Variants in GRIK2 observed in about 807,000 individuals in gnomAD.
GRIK2 encodes the protein glutamate ionotropic receptor kainate type subunit 2.
In GRIK2, 32 loss-of-function variants were observed where a neutral mutation model predicts 100.3. That is an observed-to-expected ratio of 0.32 (90% confidence interval 0.24 to 0.43). GRIK2 has a LOEUF of 0.43. Among genes scored for constraint, GRIK2 ranks in the 20% least tolerant of loss-of-function variants. The pLI is 1.00. For missense variants in GRIK2, 843 were observed against 1,114.9 expected (o/e 0.76, Z 3.47); for synonymous variants, 417 against 389.4 (o/e 1.07, Z -0.83).
At chr6:102,050,738 G>A (rs575150793) in intron 15 of GRIK2, among the ~76,000 whole-genome samples, 1 of 149,346 alleles carries the variant, frequency 6.7e-6, no homozygotes, top group East Asian at 2.0e-4. Context: ...GGAACACAGA[G>A]GAATGAAAAA....
chr6:101,994,867 A>G (rs1195586742), intron 14 of GRIK2, among the ~76,000 whole-genome samples: 1 of 151,900 alleles, frequency 6.6e-6, no homozygotes, highest in African/African-American at 2.4e-5. Context: ...CACAGTAAGA[A>G]ATAAGAGAAA....
At chr6:101,706,065 AC>A (rs1467128961) in intron 7 of GRIK2, among the ~76,000 whole-genome samples, 2 of 151,886 alleles carry the variant, frequency 1.3e-5, no homozygotes, top group African/African-American at 4.8e-5. Flanking sequence ...TGACTCAGCT[AC>A]AAATCAGTGA....
chr6:101,414,940 T>TTGTG (rs3057496), intron 2 of GRIK2, among the ~76,000 whole-genome samples: 7 of 149,800 alleles, frequency 4.7e-5, no homozygotes, highest in East Asian at 2.0e-4. Context: ...AGTTTTAAAC[T>TTGTG]TGTGTGTGTG....
chr6:101,997,737 A>C (rs930809175), intron 14 of GRIK2, among the ~76,000 whole-genome samples: 3 of 151,866 alleles, frequency 2.0e-5, no homozygotes, highest in Admixed American at 6.6e-5. Flanking sequence ...CAAAGTCTTA[A>C]TTACATTCTA....
chr6:101,688,703 A>G (rs1031558318), intron 7 of GRIK2, among the ~76,000 whole-genome samples: 1 of 152,004 alleles, frequency 6.6e-6, no homozygotes, highest in Non-Finnish European at 1.5e-5. Flanking sequence ...TGGGCATTAT[A>G]TATAAACCAT....
At chr6:101,785,927 C>T (rs536173905) in intron 7 of GRIK2, among the ~76,000 whole-genome samples, 9 of 152,164 alleles carry the variant, frequency 5.9e-5, no homozygotes, top group African/African-American at 2.2e-4. Flanking sequence ...GCCATTTTTA[C>T]AACATTAATC....
chr6:101,861,691 TA>T (rs1185269682), intron 11 of GRIK2, among the ~76,000 whole-genome samples: 1 of 152,126 alleles, frequency 6.6e-6, no homozygotes, highest in Admixed American at 6.5e-5. Context: ...AAATAGTCAT[TA>T]TAGATAAAAT....
chr6:101,728,797 C>G (rs993777044), intron 7 of GRIK2, among the ~76,000 whole-genome samples: 3 of 152,020 alleles, frequency 2.0e-5, no homozygotes, highest in African/African-American at 7.2e-5. Context: ...GTCTTCCAAT[C>G]AGGAACATGG....
chr6:101,876,011 G>T (rs1353665510), intron 11 of GRIK2, among the ~76,000 whole-genome samples: 1 of 148,942 alleles, frequency 6.7e-6, no homozygotes, highest in Non-Finnish European at 1.5e-5. Flanking sequence ...TTATGTGTTT[G>T]TGTGTGTGTG....
At chr6:101,974,051 A>G (rs1427370723) in intron 14 of GRIK2, among the ~76,000 whole-genome samples, 1 of 151,954 alleles carries the variant, frequency 6.6e-6, no homozygotes, top group African/African-American at 2.4e-5. Context: ...ATTAAATTAT[A>G]CTACTTCCAA....
chr6:101,647,406 T>C (rs539792228), intron 4 of GRIK2, among the ~76,000 whole-genome samples: 1 of 152,114 alleles, frequency 6.6e-6, no homozygotes, highest in Admixed American at 6.6e-5. Flanking sequence ...ATAGAAGCAA[T>C]TGTTTGCTAT....
In GRIK2 at chr6:101,714,941, T is replaced by C. The variant is rs1045636039; in HGVS notation, c.951+28588T>C. Reference sequence around the variant, plus strand: ...TATAATATAAACAAATACACTCTTATAAAATGTGAGTAAAATTAATATTAA... The same window carrying C: ...TATAATATAAACAAATACACTCTTACAAAATGTGAGTAAAATTAATATTAA... On this transcript the variant is annotated intron_variant, in intron 7 of 16. Transcript: ENST00000369134. 6.6e-5 allele frequency among the ~76,000 whole-genome samples: 10 copies of C among 151,854 alleles called. No homozygotes were observed. In the South Asian group the frequency reaches 1.9e-3, roughly 28 times the overall value.
intron 4 of GRIK2, among the ~76,000 whole-genome samples, chr6:101,660,010 G>A (rs1184738756): frequency 6.6e-6 from 1 of 152,102 alleles, no homozygotes; most frequent in East Asian, 1.9e-4. Flanking sequence ...GAATTTGAAT[G>A]TTGGCCTCTC....
intron 12 of GRIK2, among the ~76,000 whole-genome samples, chr6:101,911,030 G>A (rs1283926745): frequency 6.9e-6 from 1 of 143,936 alleles, no homozygotes; most frequent in African/African-American, 2.6e-5. Flanking sequence ...CACTGCATTT[G>A]TATTATTGCT....
chr6:101,476,620 C>T (rs564416478), intron 2 of GRIK2, among the ~76,000 whole-genome samples: 7 of 151,928 alleles, frequency 4.6e-5, no homozygotes, highest in African/African-American at 7.2e-5. Context: ...AAGCTTGGCA[C>T]GTAGAAAGAT....
At chr6:101,536,236 G>A (rs1396167675) in intron 2 of GRIK2, among the ~76,000 whole-genome samples, 2 of 151,700 alleles carry the variant, frequency 1.3e-5, no homozygotes, top group African/African-American at 4.8e-5. Context: ...CTCTATTCAT[G>A]TTGTACGTCA....
intron 7 of GRIK2, among the ~76,000 whole-genome samples, chr6:101,783,196 G>A (rs1779207493): frequency 6.6e-6 from 1 of 152,060 alleles, no homozygotes; most frequent in South Asian, 2.1e-4. Context: ...ACATGACAAA[G>A]GAGGGACCTA....
chr6:101,426,132 T>C (rs1239122127), intron 2 of GRIK2, among the ~76,000 whole-genome samples: 1 of 152,208 alleles, frequency 6.6e-6, no homozygotes, highest in African/African-American at 2.4e-5. Flanking sequence ...ATTAATAATC[T>C]TCCACTTTGT....
At chr6:101,859,234 G>GATGAGTTTCAT in intron 10 of GRIK2, 53 bp from the exon 11 acceptor site, 1 of 898,654 alleles carries the variant, frequency 1.1e-6, no homozygotes, top group Admixed American at 1.9e-5. Context: ...TAATTCTGAT[G>GATGAGTTTCAT]ATGAGTTTCA....
Sources: gnomAD v4.1 joint callset for allele counts (sites outside exome capture counted in the v4.1 genomes callset) on GRCh38, gnomAD v4.1.1 for gene constraint, MANE v1.5 for transcripts, NCBI Gene and HGNC (gene_info 2026-07-23, HGNC 2026-07-21) for gene names.